The following IL1RAP variants were observed in gnomAD, a reference collection of about 807,000 sequenced individuals.
IL1RAP encodes interleukin-1 receptor accessory protein.
IL1RAP carries 35 observed loss-of-function variants against 60.7 expected under a neutral mutation model. That is an observed-to-expected ratio of 0.58 (90% CI 0.44 to 0.76). IL1RAP has a LOEUF of 0.76. Among genes scored for constraint, IL1RAP ranks in the 30% least tolerant of loss-of-function variants. The probability of loss-of-function intolerance (pLI) is 0.00; values close to 1 mark genes in which losing one functional copy is unlikely to be tolerated. For missense variants in IL1RAP, 572 were observed against 693.9 expected (o/e 0.82, Z 1.97); for synonymous variants, 268 against 250.9 (o/e 1.07, Z -0.64).
At chr3:190,571,182 T>G (rs900119265) in intron 3 of IL1RAP, among the ~76,000 whole-genome samples, 3 of 152,072 alleles carry the variant, frequency 2.0e-5, no homozygotes, top group Non-Finnish European at 4.4e-5. Context: ...TTATGGTGGG[T>G]TTTATTTTTT....
chr3:190,543,224 G>A (rs1319745666), intron 1 of IL1RAP, among the ~76,000 whole-genome samples: 2 of 152,160 alleles, frequency 1.3e-5, no homozygotes, highest in Non-Finnish European at 2.9e-5. Flanking sequence ...CACCCATGAT[G>A]ATCTGAGAAA....
At chr3:190,648,164 T>C (rs1734170143) in intron 11 of IL1RAP, among the ~76,000 whole-genome samples, 174 bp from the exon 12 acceptor site, 1 of 152,232 alleles carries the variant, frequency 6.6e-6, no homozygotes, top group South Asian at 2.1e-4. Context: ...CAGTGGTATT[T>C]AACAAAGAGA....
chr3:190,601,948 G>C (rs1729897943), intron 3 of IL1RAP, among the ~76,000 whole-genome samples: 1 of 152,142 alleles, frequency 6.6e-6, no homozygotes, highest in Non-Finnish European at 1.5e-5. Flanking sequence ...CTTAAGTTTA[G>C]ATCGTCACAC....
At chr3:190,625,502 C>A (rs1425259117) in intron 7 of IL1RAP, among the ~76,000 whole-genome samples, 2 of 152,124 alleles carry the variant, frequency 1.3e-5, no homozygotes, top group Non-Finnish European at 2.9e-5. Flanking sequence ...AGGGACTTAA[C>A]AAAATGAGAT....
chr3:190,554,462 C>T (rs946075854), intron 1 of IL1RAP, among the ~76,000 whole-genome samples: 1 of 152,046 alleles, frequency 6.6e-6, no homozygotes, highest in Non-Finnish European at 1.5e-5. Flanking sequence ...TCCTGGGGAC[C>T]CTTTATATTT....
intron 3 of IL1RAP, among the ~76,000 whole-genome samples, chr3:190,598,020 A>G (rs919990391): frequency 2.0e-5 from 3 of 152,116 alleles, no homozygotes; most frequent in Admixed American, 6.5e-5. Flanking sequence ...CAATTTACCA[A>G]TGTTTCTATT....
At chr3:190,595,085 C>T (rs922005111) in intron 3 of IL1RAP, among the ~76,000 whole-genome samples, 5 of 151,694 alleles carry the variant, frequency 3.3e-5, no homozygotes, top group African/African-American at 1.2e-4. Context: ...TCACTCATCA[C>T]CTTTCAACAT....
intron 2 of IL1RAP, among the ~76,000 whole-genome samples, chr3:190,558,220 GC>G (rs1246214866): frequency 6.6e-6 from 1 of 151,950 alleles, no homozygotes; most frequent in African/African-American, 2.4e-5. Flanking sequence ...CCAGCTTTAG[GC>G]AATTAATAAT....
chr3:190,613,263 C>T (rs1730979229), intron 5 of IL1RAP, among the ~76,000 whole-genome samples: 1 of 152,118 alleles, frequency 6.6e-6, no homozygotes, highest in African/African-American at 2.4e-5. Flanking sequence ...TATGAAGTAA[C>T]AGAGGAGAAG....
At chr3:190,563,632 C>T (rs2108625776) in intron 2 of IL1RAP, 1 of 152,250 alleles carries the variant, frequency 6.6e-6, no homozygotes, top group South Asian at 2.1e-4. Context: ...TTTCTGTCTT[C>T]CAGTGAGAAG....
downstream of IL1RAP, chr3:190,656,351 G>T (rs1456965821): frequency 6.5e-7 from 1 of 1,537,168 alleles, no homozygotes; most frequent in African/African-American, 1.4e-5. Context: ...TCCAAGCACC[G>T]AGGGAAGTCC....
At chr3:190,533,114 G>A (rs1430690300) in intron 1 of IL1RAP, among the ~76,000 whole-genome samples, 2 of 152,178 alleles carry the variant, frequency 1.3e-5, no homozygotes, top group Non-Finnish European at 2.9e-5. Flanking sequence ...TGTATTGAAT[G>A]CCCATAGGTG....
At chr3:190,634,847 C>T (rs548923080) in intron 9 of IL1RAP, among the ~76,000 whole-genome samples, 1 of 152,084 alleles carries the variant, frequency 6.6e-6, no homozygotes, top group Non-Finnish European at 1.5e-5. Context: ...TCCCGAGTAG[C>T]TGGGACTACA....
chr3:190,585,057 G>A (rs1728331677), intron 3 of IL1RAP, among the ~76,000 whole-genome samples: 1 of 152,174 alleles, frequency 6.6e-6, no homozygotes, highest in African/African-American at 2.4e-5. Context: ...ATACTGCAGA[G>A]TGTTGTCACT....
chr3:190,571,663 C>T (rs1463305942), intron 3 of IL1RAP, among the ~76,000 whole-genome samples: 1 of 152,070 alleles, frequency 6.6e-6, no homozygotes, highest in Non-Finnish European at 1.5e-5. Context: ...AGCTAATTAA[C>T]ATATGTATTA....
chr3:190,563,356 C>T (rs999082847), intron 2 of IL1RAP: 5 of 152,130 alleles, frequency 3.3e-5, no homozygotes, highest in Non-Finnish European at 2.9e-5. Context: ...CTGTTACCTT[C>T]GACACAGAAA....
chr3:190,614,481 A>G (rs1731089112), intron 5 of IL1RAP, among the ~76,000 whole-genome samples: 1 of 152,134 alleles, frequency 6.6e-6, no homozygotes, highest in Admixed American at 6.5e-5. Context: ...AGAGATAAAC[A>G]ATAACAGCTA....
intron 3 of IL1RAP, among the ~76,000 whole-genome samples, chr3:190,565,276 T>G (rs1233443626): frequency 6.6e-6 from 1 of 152,176 alleles, no homozygotes; most frequent in Admixed American, 6.5e-5. Flanking sequence ...TATAAAGCTT[T>G]TCATGTAAAA....
chr3:190,629,096 G>C (rs1024967600), intron 8 of IL1RAP, among the ~76,000 whole-genome samples: 5 of 152,232 alleles, frequency 3.3e-5, no homozygotes, highest in East Asian at 1.9e-4. Context: ...TTTGAAGAGA[G>C]ATCTATAAAA....
Sources: gnomAD v4.1 joint callset for allele counts (sites outside exome capture counted in the v4.1 genomes callset) on GRCh38, gnomAD v4.1.1 for gene constraint, MANE v1.5 for transcripts, NCBI Gene and HGNC (gene_info 2026-07-23, HGNC 2026-07-21) for gene names.